Variants in LRRC28 observed in about 807,000 individuals in gnomAD.
The protein encoded by LRRC28 is leucine-rich repeat-containing protein 28.
LRRC28 carries 39 observed loss-of-function variants against 45.7 expected under a neutral mutation model. The observed-to-expected ratio is 0.85, with a 90% confidence interval of 0.66 to 1.12. The LOEUF (loss-of-function observed/expected upper bound fraction) is 1.12, where lower values mean the gene tolerates loss of function less well. Among genes scored for constraint, LRRC28 ranks in the 50% most tolerant of loss-of-function variants. The pLI, the probability that LRRC28 is intolerant of heterozygous loss-of-function variation, is 0.00. For synonymous variants in LRRC28, 206 were observed against 178.8 expected, an observed-to-expected ratio of 1.15 and a Z score of -1.22; for missense variants, 435 against 438.5, an observed-to-expected ratio of 0.99 and a Z score of 0.07.
At position 99,322,619 on chromosome 15, in the gene LRRC28, T is replaced by C. The variant is rs1465937862; in HGVS notation, c.386-11304T>C. On this transcript the variant is annotated intron_variant, in intron 5 of 9. Transcript: ENST00000301981. ...TTTGCTTTTTAAAAAATAAAATAAG[T>C]GATTAAAAGATTTTAAAAGGTATAC... 3.9e-5 allele frequency among the ~76,000 whole-genome samples: 6 copies of C among 152,146 alleles called. No individual in the cohort carries two copies. In the South Asian group the frequency reaches 1.2e-3, roughly 31 times the overall value.
intron 9 of LRRC28, among the ~76,000 whole-genome samples, chr15:99,377,063 A>T (rs1359509143): frequency 4.6e-5 from 7 of 152,164 alleles, no homozygotes; most frequent in Non-Finnish European, 8.8e-5. Flanking sequence ...TATACCCAGT[A>T]ATGGGATTGC....
At chr15:99,333,300 A>G (rs1030129660) in intron 5 of LRRC28, among the ~76,000 whole-genome samples, 6 of 152,252 alleles carry the variant, frequency 3.9e-5, no homozygotes, top group Admixed American at 2.6e-4. Context: ...TGGGAATTAA[A>G]GTAAGTCTTT....
At chr15:99,313,359 A>G (rs1955482319) in intron 5 of LRRC28, among the ~76,000 whole-genome samples, 1 of 152,148 alleles carries the variant, frequency 6.6e-6, no homozygotes, top group South Asian at 2.1e-4. Flanking sequence ...AGATTTTAAT[A>G]GTCCTCTCTT....
chr15:99,306,742 G>A (rs573127929), intron 5 of LRRC28, among the ~76,000 whole-genome samples: 3 of 152,328 alleles, frequency 2.0e-5, no homozygotes, highest in Admixed American at 2.0e-4. Context: ...GCTTGGCTGA[G>A]TGACCTTGGT....
intron 6 of LRRC28, among the ~76,000 whole-genome samples, chr15:99,345,461 A>G (rs917824861): frequency 6.6e-6 from 1 of 152,118 alleles, no homozygotes; most frequent in Admixed American, 6.5e-5. Context: ...TTGGCCTTTC[A>G]TATATGTTCT....
In LRRC28 at chr15:99,386,344, C is replaced by T. The variant is rs897989339; in HGVS notation, c.*242C>T. 2.5e-5 allele frequency: 11 copies of T among 440,828 alleles called. No individual in the cohort carries two copies. Among genetic ancestry groups the T allele is most frequent in the Middle Eastern group, 5.8e-4 (1 of 1,714 alleles). The allele number at this position is 440,828 out of a possible 1,614,324, so 27.3% of individuals were successfully genotyped here. On this transcript the variant is annotated 3_prime_UTR_variant, in exon 10 of 10. Transcript: ENST00000301981. ...CCTTTTTATGTGAGTGTGTCTTTTACAGAAACCATTTAGATTGATGGGCCT... is the reference window on the plus strand; with the variant it reads ...CCTTTTTATGTGAGTGTGTCTTTTATAGAAACCATTTAGATTGATGGGCCT...
intron 2 of LRRC28, among the ~76,000 whole-genome samples, chr15:99,275,406 A>G (rs1245011862): frequency 1.3e-5 from 2 of 151,988 alleles, no homozygotes; most frequent in Non-Finnish European, 2.9e-5. Flanking sequence ...CAGGTCTGAC[A>G]CTCCCTTGGA....
intron 6 of LRRC28, among the ~76,000 whole-genome samples, chr15:99,339,781 A>T (rs1320067308): frequency 6.6e-6 from 1 of 152,172 alleles, no homozygotes; most frequent in African/African-American, 2.4e-5. Context: ...AGATTTACAG[A>T]ATAGCTTGTG....
chr15:99,314,646 C>T (rs1482164083), intron 5 of LRRC28, among the ~76,000 whole-genome samples: 1 of 152,060 alleles, frequency 6.6e-6, no homozygotes, highest in East Asian at 1.9e-4. Flanking sequence ...TATGTTCTTT[C>T]ATTTACTGAG....
intron 9 of LRRC28, among the ~76,000 whole-genome samples, chr15:99,380,312 G>T (rs1597472448): frequency 6.6e-6 from 1 of 152,234 alleles, no homozygotes; most frequent in East Asian, 1.9e-4. Flanking sequence ...TGTCTCTTTT[G>T]ATCTTTGTTG....
intron 6 of LRRC28, among the ~76,000 whole-genome samples, chr15:99,336,418 G>C (rs1484377236): frequency 6.6e-6 from 1 of 152,144 alleles, no homozygotes; most frequent in Non-Finnish European, 1.5e-5. Flanking sequence ...CCATATTTCA[G>C]ACATGGTCTC....
chr15:99,285,081 G>C lies in LRRC28; in HGVS notation c.210-2176G>C, dbSNP rs540849613. 87 of 687,010 alleles carry C rather than the reference G, an allele frequency of 1.3e-4. 1 individual carries two copies. The highest frequency in any genetic ancestry group is 9.8e-5 in the Non-Finnish European group (36 of 367,696). 42.6% of individuals were successfully genotyped at this position (687,010 alleles called of 1,614,324 possible). ...CACAGTTGTGGCCATTCACATTATG[G>C]TATTTCTGAGTGACAGTCTTATCCA... On this transcript the variant is annotated intron_variant, in intron 3 of 9. Transcript: ENST00000301981.
intron 7 of LRRC28, among the ~76,000 whole-genome samples, chr15:99,356,740 C>G (rs941548909): frequency 6.6e-6 from 1 of 152,104 alleles, no homozygotes; most frequent in African/African-American, 2.4e-5. Context: ...TCAAAGAAAA[C>G]CATGCGTAGG....
In LRRC28 at chr15:99,361,438, G is replaced by A. The variant is rs1173212202; in HGVS notation, c.798G>A (p.Glu266=). The A allele has an allele frequency of 2.5e-6, 4 of 1,613,876 alleles. No homozygotes were observed. Among genetic ancestry groups the A allele is most frequent in the Non-Finnish European group, 3.4e-6 (4 of 1,179,962 alleles). Residue 266 remains glutamate, a synonymous_variant, in exon 8 of 10, where the codon GAG becomes GAA. Coordinates refer to ENST00000301981, the MANE Select transcript of LRRC28 (RefSeq NM_144598.5). ...LPAEVKAIGT[E]HDHVLPLQEL... is the part of the protein sequence containing the mutation. ...CTGAGGTGAAGGCCATAGGGACGGA[G>A]CATGATCACGTCCTCCCTCTGCAGG...
At chr15:99,287,710 A>T (rs1242766022) in intron 4 of LRRC28, 104 bp from the exon 5 acceptor site, 1 of 1,281,920 alleles carries the variant, frequency 7.8e-7, no homozygotes, top group African/African-American at 1.5e-5. Context: ...CAACTGAGAC[A>T]AGGAAATTAA....
intron 5 of LRRC28, among the ~76,000 whole-genome samples, chr15:99,297,037 C>T (rs116230920): frequency 0.015 from 2,225 of 151,946 alleles, 45 homozygotes; most frequent in African/African-American, 0.05. Flanking sequence ...AATAATTAGC[C>T]GGGTGTGGTG....
intron 2 of LRRC28, chr15:99,259,659 AGAAAACATT>A: frequency 7.1e-7 from 1 of 1,410,718 alleles, no homozygotes; most frequent in Non-Finnish European, 1.0e-6. Context: ...GCGAGTCGGA[AGAAAACATT>A]TGAAATTAAT....
At chr15:99,255,488 A>G (rs1300256420) in intron 1 of LRRC28, among the ~76,000 whole-genome samples, 1 of 152,084 alleles carries the variant, frequency 6.6e-6, no homozygotes, top group Non-Finnish European at 1.5e-5. Flanking sequence ...TATATATTTT[A>G]ATATTTTTGA....
chr15:99,289,942 A>C (rs1229562919), intron 5 of LRRC28, among the ~76,000 whole-genome samples: 1 of 140,074 alleles, frequency 7.1e-6, no homozygotes, highest in African/African-American at 2.6e-5. Flanking sequence ...TCCGTCTCAA[A>C]AAAAAAAAAA....
Sources: gnomAD v4.1 joint callset for allele counts (sites outside exome capture counted in the v4.1 genomes callset) on GRCh38, gnomAD v4.1.1 for gene constraint, MANE v1.5 for transcripts, NCBI Gene and HGNC (gene_info 2026-07-23, HGNC 2026-07-21) for gene names.